RORA: variants seen among roughly 807,000 people sequenced by gnomAD.
RORA encodes nuclear receptor ROR-alpha.
In RORA, 7 loss-of-function variants were observed where a neutral mutation model predicts 69.5. That is an observed-to-expected ratio of 0.10 (90% CI 0.06 to 0.19). RORA has a LOEUF of 0.19. Ranked by LOEUF, RORA falls within the 10% of genes least tolerant of loss-of-function variation. The pLI, the probability that RORA is intolerant of heterozygous loss-of-function variation, is 1.00. For missense variants in RORA, 457 were observed against 663.0 expected, an observed-to-expected ratio of 0.69 and a Z score of 3.41; for synonymous variants, 261 against 240.8, an observed-to-expected ratio of 1.08 and a Z score of -0.78.
At chr15:61,120,090 G>C (rs1049872197) in intron 1 of RORA, among the ~76,000 whole-genome samples, 4 of 152,152 alleles carry the variant, frequency 2.6e-5, no homozygotes, top group African/African-American at 9.7e-5. Flanking sequence ...GTCTGCTTGG[G>C]CTGTGGTTCT....
intron 1 of RORA, among the ~76,000 whole-genome samples, chr15:60,784,915 C>T (rs2072315063): frequency 6.6e-6 from 1 of 152,140 alleles, no homozygotes; most frequent in African/African-American, 2.4e-5. Flanking sequence ...ATTTTATTCC[C>T]TGACCAGATG....
chr15:61,090,808 T>A (rs751021496), intron 1 of RORA, among the ~76,000 whole-genome samples: 46 of 152,180 alleles, frequency 3.0e-4, no homozygotes, highest in Admixed American at 3.3e-4. Flanking sequence ...ACACTCATTG[T>A]GATCTGCCAC....
chr15:60,877,673 T>A (rs2073633215), intron 1 of RORA, among the ~76,000 whole-genome samples: 1 of 152,136 alleles, frequency 6.6e-6, no homozygotes, highest in Non-Finnish European at 1.5e-5. Flanking sequence ...CCATTACAAA[T>A]CTAAGACTCT....
At chr15:61,133,239 G>A (rs1277523496) in intron 1 of RORA, among the ~76,000 whole-genome samples, 3 of 152,052 alleles carry the variant, frequency 2.0e-5, no homozygotes. Context: ...TGTTCTGCAT[G>A]GTAACTGCTA....
rs1372507455 is a variant in RORA, at chr15:60,511,784, A to C, written c.425-163T>G. 2.0e-5 allele frequency among the ~76,000 whole-genome samples: 3 copies of C among 152,148 alleles called. No homozygotes were observed. The highest frequency in any genetic ancestry group is 4.4e-5 in the Non-Finnish European group (3 of 68,020). On this transcript the variant is annotated intron_variant, in intron 4 of 10. Coordinates refer to ENST00000335670, the MANE Select transcript of RORA (RefSeq NM_134261.3). The surrounding 1 kb of genome is among the most constrained non-coding windows in gnomAD (Gnocchi z 6.4). The stretch of plus-strand genomic sequence containing the variant: ...AGAGGTGAAAACAGTTCCAACCCAC[A>C]CAGACTCGCTCCAGCTCCCCAACAG...
intron 1 of RORA, among the ~76,000 whole-genome samples, chr15:61,149,432 C>T (rs956295895): frequency 2.0e-5 from 3 of 152,030 alleles, no homozygotes; most frequent in African/African-American, 4.8e-5. Context: ...AACCCCACCA[C>T]CACTACTAGA....
intron 1 of RORA, among the ~76,000 whole-genome samples, chr15:60,722,090 C>T (rs2071301138): frequency 6.6e-6 from 1 of 152,230 alleles, no homozygotes. Context: ...GAAAACCTAT[C>T]AAAGAAATAA....
intron 1 of RORA, among the ~76,000 whole-genome samples, chr15:61,172,959 G>A (rs938945592): frequency 3.3e-5 from 5 of 152,070 alleles, no homozygotes; most frequent in African/African-American, 1.2e-4. Context: ...TATTTCCTGA[G>A]TTTTGCTACC....
At chr15:61,094,208 T>C (rs2078755605) in intron 1 of RORA, among the ~76,000 whole-genome samples, 1 of 152,134 alleles carries the variant, frequency 6.6e-6, no homozygotes, top group Non-Finnish European at 1.5e-5. Context: ...AATAATGAGA[T>C]TTCCATAGAT....
intron 1 of RORA, among the ~76,000 whole-genome samples, chr15:60,728,356 C>T (rs1417499142): frequency 6.6e-6 from 1 of 152,132 alleles, no homozygotes; most frequent in Non-Finnish European, 1.5e-5. Context: ...CCCAACTCAC[C>T]CTTGGACCTA....
chr15:61,108,601 G>T (rs550273604), intron 1 of RORA, among the ~76,000 whole-genome samples: 2 of 152,096 alleles, frequency 1.3e-5, no homozygotes, highest in African/African-American at 2.4e-5. Context: ...GGCCATTTAC[G>T]GAAACGTCTG....
intron 1 of RORA, among the ~76,000 whole-genome samples, chr15:61,129,494 G>T (rs979264632): frequency 6.6e-6 from 1 of 151,968 alleles, no homozygotes; most frequent in African/African-American, 2.4e-5. Flanking sequence ...GTTTCTGCTC[G>T]GGGGGATGAA....
chr15:60,991,906 A>AAAAAT (rs60034207), intron 1 of RORA, among the ~76,000 whole-genome samples: 44,718 of 147,942 alleles, frequency 0.3, 6,915 homozygotes, highest in South Asian at 0.41. Context: ...ACCGTGCCTC[A>AAAAAT]AAAATAAAAT....
At position 61,061,177 on chromosome 15, in the gene RORA, C is replaced by G. The variant is rs936333383; in HGVS notation, c.166+167876G>C. On this transcript the variant is annotated intron_variant, in intron 1 of 10. Coordinates refer to ENST00000335670, the MANE Select transcript of RORA (RefSeq NM_134261.3). The surrounding 1 kb of genome is among the most constrained non-coding windows in gnomAD (Gnocchi z 4.4). The stretch of plus-strand genomic sequence containing the variant: ...GACCATCCTGGCTAACATGGTGAAA[C>G]CCCGTCTCTACTAAAACCACAAAAC... 6.6e-6 allele frequency among the ~76,000 whole-genome samples: 1 copy of G among 151,988 alleles called. No homozygotes were observed. The highest frequency in any genetic ancestry group is 2.4e-5 in the African/African-American group (1 of 41,382).
At chr15:60,576,730 G>A (rs1018560707) in intron 2 of RORA, among the ~76,000 whole-genome samples, 3 of 152,180 alleles carry the variant, frequency 2.0e-5, no homozygotes, top group African/African-American at 7.2e-5. Flanking sequence ...GGGAGTGAAT[G>A]GTGTATGTGT....
intron 2 of RORA, among the ~76,000 whole-genome samples, chr15:60,563,747 T>G (rs1398392644): frequency 6.6e-6 from 1 of 152,188 alleles, no homozygotes; most frequent in South Asian, 2.1e-4. Flanking sequence ...CCTGTGTGGC[T>G]ACATCACAGA....
chr15:60,967,725 A>G (rs569780296), intron 1 of RORA, among the ~76,000 whole-genome samples: 33 of 152,348 alleles, frequency 2.2e-4, no homozygotes, highest in African/African-American at 7.9e-4. Context: ...TGGTTCATCA[A>G]CGTATTTATG....
intron 1 of RORA, among the ~76,000 whole-genome samples, chr15:60,955,794 A>G (rs1410193245): frequency 1.3e-5 from 2 of 152,168 alleles, no homozygotes; most frequent in Non-Finnish European, 1.5e-5. Context: ...GACAGTCCCA[A>G]CGCCTCTCTA....
chr15:60,542,193 T>C (rs2066892984), intron 2 of RORA, among the ~76,000 whole-genome samples: 1 of 152,166 alleles, frequency 6.6e-6, no homozygotes, highest in Non-Finnish European at 1.5e-5. Flanking sequence ...ACATTTCACA[T>C]CGGATGGAAA....
Sources: gnomAD v4.1 joint callset for allele counts (sites outside exome capture counted in the v4.1 genomes callset) on GRCh38, gnomAD v4.1.1 for gene constraint, Gnocchi (gnomAD v3.1) non-coding constraint, MANE v1.5 for transcripts, NCBI Gene and HGNC (gene_info 2026-07-23, HGNC 2026-07-21) for gene names.